Variants in IRF1 observed in about 807,000 individuals in gnomAD.
IRF1 encodes interferon regulatory factor-1.
IRF1 carries 13 observed loss-of-function variants against 43.7 expected under a neutral mutation model. That is an observed-to-expected ratio of 0.30 (90% CI 0.19 to 0.47). The LOEUF (loss-of-function observed/expected upper bound fraction) is 0.47. Ranked by LOEUF, IRF1 falls within the 20% of genes least tolerant of loss-of-function variation. The pLI, the probability that IRF1 is intolerant of heterozygous loss-of-function variation, is 0.99. For missense variants in IRF1, 236 were observed against 408.9 expected (o/e 0.58, Z 3.65); for synonymous variants, 138 against 146.8 (o/e 0.94, Z 0.43).
chr5:132,488,566 T>G (rs1754608060), intron 2 of IRF1: 1 of 153,372 alleles, frequency 6.5e-6, no homozygotes, highest in South Asian at 2.0e-4. Flanking sequence ...AGAAAACATA[T>G]CCAACAAAAT....
intron 2 of IRF1, 134 bp from the exon 3 acceptor site, chr5:132,488,159 T>C: frequency 3.1e-6 from 2 of 655,462 alleles, no homozygotes; most frequent in Non-Finnish European, 5.3e-6. Context: ...TCCCCTGACA[T>C]CTGGCTTGGA....
Position 132,483,462 on chromosome 5 carries a change from AT to A in IRF1, c.*488del, listed in dbSNP as rs1235641814. On this transcript the variant is annotated 3_prime_UTR_variant, in exon 10 of 10. Transcript: ENST00000245414. ...CCCGAAGGACCCCACTTTCCTTCAC[AT>A]TTCACTGGCTTTGGAACAGTCCCCA... 1 of 153,850 alleles carries A rather than the reference AT, an allele frequency of 6.5e-6. No individual in the cohort carries two copies. The highest frequency in any genetic ancestry group is 2.4e-5 in the African/African-American group (1 of 41,438). The allele number at this position is 153,850 out of a possible 1,614,324, so 9.5% of individuals were successfully genotyped here.
rs1257537216 is a variant in IRF1, at chr5:132,486,309, C to T, written c.609G>A (p.Pro203=). The change falls in exon 7 of 10, where the codon CCG becomes CCA. Residue 203 remains proline, a synonymous_variant. Transcript: ENST00000245414. ...PDWHIPVEVV[P]DSTSDLYNFQ... ...AGTTGTACAGATCACTGGTGCTGTCCGGCACAACTTCCACTGGGATGTGCC... is the reference window on the plus strand; with the variant it reads ...AGTTGTACAGATCACTGGTGCTGTCTGGCACAACTTCCACTGGGATGTGCC... 7.4e-6 allele frequency: 12 copies of T among 1,613,186 alleles called. No individual in the cohort carries two copies. Among genetic ancestry groups the T allele is most frequent in the South Asian group, 2.2e-5 (2 of 91,088 alleles).
At chr5:132,484,206 G>A in intron 9 of IRF1, 131 bp from the exon 10 acceptor site, 3 of 1,458,132 alleles carry the variant, frequency 2.1e-6, no homozygotes, top group Non-Finnish European at 2.8e-6. Flanking sequence ...CTCAGCTTCA[G>A]GCAAACCTTA....
In IRF1 at chr5:132,490,150, T is replaced by G. The variant is rs2070721; in HGVS notation, c.-6+395A>C. ...ACCAGCACAGGGAGCCCAAAACCTGTCGCCTGGGCGCGGAGCTGGGACCGC... is the reference window on the plus strand; with the variant it reads ...ACCAGCACAGGGAGCCCAAAACCTGGCGCCTGGGCGCGGAGCTGGGACCGC... On this transcript the variant is annotated intron_variant, in intron 1 of 9. Coordinates refer to ENST00000245414, the MANE Select transcript of IRF1 (RefSeq NM_002198.3). The surrounding 1 kb of genome is among the most constrained non-coding windows in gnomAD (Gnocchi z 5.8). 78,753 of 152,194 alleles carry G rather than the reference T, an allele frequency of 0.52. 21,004 individuals are homozygous for G. Among genetic ancestry groups the G allele is most frequent in the East Asian group, 0.7 (3,606 of 5,168 alleles). 9.4% of individuals were successfully genotyped at this position (152,194 alleles called of 1,614,324 possible). A position where few individuals can be genotyped will look rare whatever the true frequency, so the allele number is the denominator to read the frequency against.
At chr5:132,488,090 T>A in intron 2 of IRF1, 65 bp from the exon 3 acceptor site, 2 of 1,255,202 alleles carry the variant, frequency 1.6e-6, no homozygotes, top group Non-Finnish European at 2.3e-6. Flanking sequence ...TGGGGCTGAG[T>A]CTGAGACCCA....
chr5:132,489,319 A>C lies in IRF1; in HGVS notation c.87+73T>G. The C allele has an allele frequency of 9.7e-6, 11 of 1,133,592 alleles. No individual in the cohort carries two copies. The South Asian group carries it at 1.4e-4, about 14-fold the overall frequency. 70.2% of individuals were successfully genotyped at this position (1,133,592 alleles called of 1,614,324 possible). ...GTTATCACTTCCCTTTTTGAGCTGC[A>C]TCTGAAGCTTTGGTCCCTCCAGAAG... On this transcript the variant is annotated intron_variant, in intron 2 of 9. Coordinates refer to ENST00000245414, the MANE Select transcript of IRF1 (RefSeq NM_002198.3).
intron 2 of IRF1, chr5:132,488,251 T>C: frequency 1.9e-6 from 1 of 527,118 alleles, no homozygotes; most frequent in Non-Finnish European, 3.4e-6. Context: ...GCAGCATTAT[T>C]AGCTCACAAA....
chr5:132,487,279 A>C (rs867071819), intron 3 of IRF1, 149 bp from the exon 4 acceptor site: 8 of 753,894 alleles, frequency 1.1e-5, no homozygotes, highest in Middle Eastern at 3.5e-4. Context: ...TCCCGGTGAC[A>C]CTCTGCAGGT....
chr5:132,486,925 CT>C (rs750018025), intron 4 of IRF1, 28 bp downstream of exon 4: 3 of 1,613,792 alleles, frequency 1.9e-6, no homozygotes, highest in African/African-American at 2.7e-5. Flanking sequence ...TCCCTGAGGG[CT>C]TCCCAAGGAC....
chr5:132,485,732 G>A lies in IRF1; in HGVS notation c.668-16C>T, dbSNP rs770752737. The A allele has an allele frequency of 1.9e-6, 3 of 1,608,136 alleles. No individual in the cohort carries two copies. In the South Asian group the frequency reaches 3.3e-5, roughly 18 times the overall value. On this transcript the variant is annotated splice_polypyrimidine_tract_variant and intron_variant, in intron 7 of 9. Coordinates refer to ENST00000245414, the MANE Select transcript of IRF1 (RefSeq NM_002198.3). ...TCTGTTGTAGCTGTGGATGGGGAAA[G>A]CAGAGAGGTTGGCTGGCAGTCAGCC...
At position 132,484,363 on chromosome 5, in the gene IRF1, C is replaced by G. The variant is rs113976540; in HGVS notation, c.852G>C (p.Gly284=). 9.3e-6 allele frequency: 15 copies of G among 1,614,060 alleles called. No individual in the cohort carries two copies. In the African/African-American group the frequency reaches 1.2e-4, roughly 13 times the overall value. The change falls in exon 9 of 10, where the codon GGG becomes GGC. Residue 284 remains glycine (G), a splice_region_variant and synonymous_variant. Coordinates refer to ENST00000245414, the MANE Select transcript of IRF1 (RefSeq NM_002198.3). ...CATAAGGATCCAGGGCCTTCTTACC[C>G]CCTGGGCTGTCAATTTCTGGCTCCT... ...CKEEPEIDSP[G]GDIGLSLQRV...
At chr5:132,486,070 A>C (rs1754517650) in intron 7 of IRF1, 181 bp downstream of exon 7, 2 of 795,512 alleles carry the variant, frequency 2.5e-6, no homozygotes, top group Non-Finnish European at 4.1e-6. Flanking sequence ...ACTGCAGCCC[A>C]CTCTGAACTG....
chr5:132,487,195 C>A, intron 3 of IRF1, 65 bp from the exon 4 acceptor site: 1 of 1,546,310 alleles, frequency 6.5e-7, no homozygotes, highest in Non-Finnish European at 8.9e-7. Flanking sequence ...CTGCCCCTGG[C>A]CTGAAGGAGG....
chr5:132,486,208 C>T (rs1285857514), intron 7 of IRF1, 43 bp downstream of exon 7: 2 of 1,608,562 alleles, frequency 1.2e-6, no homozygotes, highest in South Asian at 2.2e-5. Flanking sequence ...CTTCACAGGA[C>T]CCAGACAGTC....
chr5:132,487,466 C>A, intron 3 of IRF1: 1 of 381,772 alleles, frequency 2.6e-6, no homozygotes, highest in Non-Finnish European at 4.9e-6. Context: ...GTAGAGTGGG[C>A]ACAGACTGGG....
At chr5:132,487,871 G>T in intron 3 of IRF1, 55 bp downstream of exon 3, 1 of 1,215,574 alleles carries the variant, frequency 8.2e-7, no homozygotes, top group Non-Finnish European at 1.2e-6. Flanking sequence ...GTTAACGTGA[G>T]TGCCTCCTCT....
At chr5:132,484,153 TA>T in intron 9 of IRF1, 78 bp from the exon 10 acceptor site, 1 of 1,566,610 alleles carries the variant, frequency 6.4e-7, no homozygotes, top group Non-Finnish European at 8.7e-7. Context: ...CTGAAGGCCA[TA>T]GACATGGCCT....
At chr5:132,489,326 G>T in intron 2 of IRF1, 66 bp downstream of exon 2, 4 of 1,217,336 alleles carry the variant, frequency 3.3e-6, no homozygotes, top group Non-Finnish European at 3.7e-6. Flanking sequence ...TGCATCTGAA[G>T]CTTTGGTCCC....
Sources: gnomAD v4.1 joint callset for allele counts on GRCh38, gnomAD v4.1.1 for gene constraint, Gnocchi (gnomAD v3.1) non-coding constraint, MANE v1.5 for transcripts, NCBI Gene and HGNC (gene_info 2026-07-23, HGNC 2026-07-21) for gene names.